Variants in PCDHGB1 observed in about 807,000 individuals in gnomAD.
PCDHGB1 encodes the protein protocadherin gamma subfamily B, 1, also known as protocadherin gamma-B1.
In PCDHGB1, 34 loss-of-function variants were observed where a neutral mutation model predicts 56.6. The observed-to-expected ratio is 0.60, with a 90% confidence interval of 0.46 to 0.80. The LOEUF is 0.80. Ranked by LOEUF, PCDHGB1 falls within the 30% of genes least tolerant of loss-of-function variation. PCDHGB1 has a pLI of 0.00. For synonymous variants in PCDHGB1, 561 were observed against 505.9 expected, an observed-to-expected ratio of 1.11 and a Z score of -1.46; for missense variants, 1,278 against 1,204.6, an observed-to-expected ratio of 1.06 and a Z score of -0.90.
chr5:141,398,889 C>A (rs1300521650), intron 1 of PCDHGB1: 2 of 1,613,958 alleles, frequency 1.2e-6, no homozygotes, highest in Non-Finnish European at 1.7e-6. Context: ...TTCGGGAAAA[C>A]GTGCCACCAG....
intron 1 of PCDHGB1, chr5:141,423,295 C>A: frequency 6.2e-7 from 1 of 1,614,146 alleles, no homozygotes; most frequent in Non-Finnish European, 8.5e-7. Context: ...AACCTCAGAC[C>A]TCTCGCTGTA....
At chr5:141,433,298 A>G in intron 1 of PCDHGB1, 7 of 1,015,894 alleles carry the variant, frequency 6.9e-6, no homozygotes, top group Non-Finnish European at 1.0e-5. Context: ...GGCTCAAGCA[A>G]TTATCCCACC....
intron 1 of PCDHGB1, chr5:141,378,418 G>T (rs1018299998): frequency 6.6e-6 from 1 of 152,330 alleles, no homozygotes; most frequent in African/African-American, 2.4e-5. Flanking sequence ...AGCTACTCGG[G>T]AGGCTGAGGC....
chr5:141,397,512 A>G (rs1043730091), intron 1 of PCDHGB1, among the ~76,000 whole-genome samples: 1 of 152,242 alleles, frequency 6.6e-6, no homozygotes, highest in Non-Finnish European at 1.5e-5. Context: ...AATTGTTTCC[A>G]TAGCTAATAA....
chr5:141,446,289 G>T (rs1333286399), intron 1 of PCDHGB1, among the ~76,000 whole-genome samples: 1 of 152,112 alleles, frequency 6.6e-6, no homozygotes, highest in Non-Finnish European at 1.5e-5. Flanking sequence ...GATAAATGGG[G>T]AGCAGGGATT....
intron 1 of PCDHGB1, chr5:141,355,370 G>A (rs756032397): frequency 2.4e-5 from 38 of 1,613,918 alleles, no homozygotes; most frequent in Non-Finnish European, 3.1e-5. Context: ...TTGGCGCCCC[G>A]GGAGCTGGCG....
intron 1 of PCDHGB1, among the ~76,000 whole-genome samples, chr5:141,475,339 T>C (rs1295364417): frequency 1.3e-5 from 2 of 152,188 alleles, no homozygotes; most frequent in Non-Finnish European, 2.9e-5. Flanking sequence ...AACAATGACA[T>C]CCAGTTTTAA....
intron 1 of PCDHGB1, chr5:141,375,375 C>G (rs907988445): frequency 6.2e-7 from 1 of 1,613,834 alleles, no homozygotes; most frequent in Admixed American, 1.7e-5. Context: ...GGAACACCAC[C>G]TCTGTCTACA....
rs2097368013 is a variant in PCDHGB1 at position 141,431,382 on chromosome 5, A to G, written c.2410-63425A>G. 6 of 1,613,756 alleles carry G rather than the reference A, an allele frequency of 3.7e-6. No homozygotes were observed. In the East Asian group the frequency reaches 1.1e-4, roughly 30 times the overall value. On this transcript the variant is annotated intron_variant, in intron 1 of 3. Transcript: ENST00000523390. This position sits in a 1 kb window ranked among gnomAD's most constrained non-coding sequence, Gnocchi z 4.8. ...CTGGACCGCGAAGAAAAGGCTGCTC[A>G]CCACCTGGTCCTTACGGCCTCCGAC... is the stretch of plus-strand genomic sequence containing the variant.
chr5:141,378,924 G>A (rs1426450881), intron 1 of PCDHGB1: 5 of 152,202 alleles, frequency 3.3e-5, no homozygotes, highest in African/African-American at 1.2e-4. Flanking sequence ...TCAAAAGTAA[G>A]TTGATGGCCC....
chr5:141,399,460 G>T (rs1465606526), intron 1 of PCDHGB1: 1 of 1,613,962 alleles, frequency 6.2e-7, no homozygotes, highest in Middle Eastern at 1.6e-4. Flanking sequence ...CAACGATAAC[G>T]CTCCGGTTTT....
intron 1 of PCDHGB1, among the ~76,000 whole-genome samples, chr5:141,368,964 A>G (rs531722915): frequency 3.9e-5 from 6 of 152,320 alleles, no homozygotes; most frequent in African/African-American, 1.4e-4. Flanking sequence ...TTAAGATGCT[A>G]TAATGCTTTT....
chr5:141,372,295 A>T (rs747911536), intron 1 of PCDHGB1: 2 of 1,613,304 alleles, frequency 1.2e-6, no homozygotes, highest in Non-Finnish European at 1.7e-6. Context: ...ACCTTGGGCG[A>T]CAGGGAGGCC....
rs1427934561 is a variant in PCDHGB1, at chr5:141,511,140, CAAG to C, written c.2758_2760del (p.Lys920del). The stretch of plus-strand genomic sequence containing the variant: ...AGGCCCCAGCAGGTGGCAATGGCAA[CAAG>C]AAGAAGTCGGGCAAGAAGGAGAAGA... On this transcript the variant is annotated inframe_deletion, in exon 4 of 4. Coordinates refer to ENST00000523390, the MANE Select transcript of PCDHGB1 (RefSeq NM_018922.3). 9 of 1,614,186 alleles carry C rather than the reference CAAG, an allele frequency of 5.6e-6. No individual in the cohort carries two copies. The East Asian group carries it at 6.7e-5, about 12-fold the overall frequency.
At position 141,403,043 on chromosome 5, in the gene PCDHGB1, A is replaced by C. The variant is rs779412498; in HGVS notation, c.2409+50374A>C. On this transcript the variant is annotated intron_variant, in intron 1 of 3. Coordinates refer to ENST00000523390, the MANE Select transcript of PCDHGB1 (RefSeq NM_018922.3). ...GCTATGGGAGGCCAGGGCCAGTCAG[A>C]TTCGCTACTCAGTGCCTGAAGAGAC... 21 of 1,614,070 alleles carry C rather than the reference A, an allele frequency of 1.3e-5. No homozygotes were observed. In the South Asian group the frequency reaches 2.3e-4, roughly 18 times the overall value.
At chr5:141,509,081 A>G (rs1279221589) in intron 3 of PCDHGB1, among the ~76,000 whole-genome samples, 1 of 152,160 alleles carries the variant, frequency 6.6e-6, no homozygotes, top group African/African-American at 2.4e-5. Flanking sequence ...GATTTGCGAC[A>G]TGAAATGGGG....
At position 141,491,489 on chromosome 5, in the gene PCDHGB1, A is replaced by T; in HGVS notation, c.2410-3318A>T. 1.2e-6 allele frequency: 2 copies of T among 1,614,130 alleles called. No individual in the cohort carries two copies. Among genetic ancestry groups the T allele is most frequent in the Non-Finnish European group, 1.7e-6 (2 of 1,180,018 alleles). On this transcript the variant is annotated intron_variant, in intron 1 of 3. Coordinates refer to ENST00000523390, the MANE Select transcript of PCDHGB1 (RefSeq NM_018922.3). This position sits in a 1 kb window ranked among gnomAD's most constrained non-coding sequence, Gnocchi z 6.9. ...TATAAGCAGTCCAGCCCCAACCTGC[A>T]GGTGAGCTCGGACGGCACGCTCAAG... is the stretch of plus-strand genomic sequence containing the variant.
intron 1 of PCDHGB1, chr5:141,441,038 G>A (rs1263659082): frequency 6.6e-6 from 1 of 152,156 alleles, no homozygotes; most frequent in African/African-American, 2.4e-5. Context: ...AAAACTTTAA[G>A]TACATTGGAC....
chr5:141,426,790 A>T, intron 1 of PCDHGB1: 1 of 456,732 alleles, frequency 2.2e-6, no homozygotes, highest in Middle Eastern at 3.3e-4. Flanking sequence ...CTCCAGAGTT[A>T]CCAGCTCAGT....
Sources: allele counts gnomAD v4.1 joint callset (sites outside exome capture counted in the v4.1 genomes callset), GRCh38; gene constraint gnomAD v4.1.1; non-coding constraint Gnocchi (gnomAD v3.1); transcripts MANE v1.5; gene names NCBI Gene and HGNC (gene_info 2026-07-23, HGNC 2026-07-21).